SKAP1: variants seen among roughly 807,000 people sequenced by gnomAD.
SKAP1 encodes the protein src kinase-associated phosphoprotein 1.
SKAP1 carries 44 observed loss-of-function variants against 58.5 expected under a neutral mutation model. That is an observed-to-expected ratio of 0.75 (90% CI 0.59 to 0.97). The LOEUF (loss-of-function observed/expected upper bound fraction) is 0.97, where lower values mean the gene tolerates loss of function less well. SKAP1 is among the 50% of genes least tolerant of loss of function. SKAP1 has a pLI of 0.00. For missense variants in SKAP1, 390 were observed against 435.2 expected, an observed-to-expected ratio of 0.90 and a Z score of 0.92; for synonymous variants, 127 against 149.7, an observed-to-expected ratio of 0.85 and a Z score of 1.11.
chr17:48,383,057 C>T (rs999845066), intron 2 of SKAP1, among the ~76,000 whole-genome samples: 6 of 152,192 alleles, frequency 3.9e-5, no homozygotes, highest in African/African-American at 1.4e-4. Flanking sequence ...CTGACACTGT[C>T]TTGATCACCT....
intron 2 of SKAP1, among the ~76,000 whole-genome samples, chr17:48,388,026 T>C (rs2067299704): frequency 1.3e-5 from 2 of 152,358 alleles, no homozygotes; most frequent in South Asian, 4.1e-4. Flanking sequence ...TAGAAAATTA[T>C]CATCTTTAAA....
intron 2 of SKAP1, among the ~76,000 whole-genome samples, chr17:48,373,120 T>C (rs183657039): frequency 3.5e-4 from 54 of 152,306 alleles, no homozygotes; most frequent in African/African-American, 1.2e-3. Flanking sequence ...GGGTAATTTA[T>C]AAATAAAAGA....
intron 4 of SKAP1, among the ~76,000 whole-genome samples, chr17:48,198,235 C>T (rs138774094): frequency 0.015 from 2,250 of 151,988 alleles, 18 homozygotes; most frequent in Non-Finnish European, 0.024. Context: ...ACGGGCGGAT[C>T]ACGAGGTCAG....
chr17:48,177,383 A>G (rs1567807157), intron 9 of SKAP1, among the ~76,000 whole-genome samples: 1 of 152,162 alleles, frequency 6.6e-6, no homozygotes, highest in Non-Finnish European at 1.5e-5. Context: ...AACTTTACAC[A>G]TGTCAGTTCC....
chr17:48,390,848 G>A (rs2067335504), intron 2 of SKAP1, among the ~76,000 whole-genome samples: 1 of 152,170 alleles, frequency 6.6e-6, no homozygotes, highest in African/African-American at 2.4e-5. Context: ...GCCAAGGTGG[G>A]TGGACTGCTT....
chr17:48,434,398 A>G (rs961455944), upstream of SKAP1, among the ~76,000 whole-genome samples: 1 of 152,142 alleles, frequency 6.6e-6, no homozygotes, highest in African/African-American at 2.4e-5. Flanking sequence ...CTAAAAATGA[A>G]GTTTCCACGG....
chr17:48,355,106 C>G (rs1229704037), intron 3 of SKAP1, among the ~76,000 whole-genome samples: 2 of 152,146 alleles, frequency 1.3e-5, no homozygotes, highest in Admixed American at 6.5e-5. Context: ...GCTAATCAAA[C>G]AAACTTAAAG....
rs1164683491 is a variant in SKAP1 at position 48,197,300 on chromosome 17, G to A, written c.281-7800C>T. ...AAATGCTGATTGGTCACCAAGGTTC[G>A]TAAGACCTCTTCTGATGCAAGGGTG... On this transcript the variant is annotated intron_variant, in intron 4 of 12. Transcript: ENST00000336915. Among the ~76,000 whole-genome samples the A allele has an allele frequency of 2.7e-5, 4 of 150,384 alleles. No individual in the cohort carries two copies. In the South Asian group the frequency reaches 6.3e-4, roughly 24 times the overall value.
chr17:48,424,501 A>T (rs1324771146), intron 1 of SKAP1, among the ~76,000 whole-genome samples: 2 of 151,444 alleles, frequency 1.3e-5, no homozygotes, highest in African/African-American at 4.9e-5. Context: ...CTGGGATTAC[A>T]GGCGTGAGCC....
chr17:48,313,357 G>A (rs2066249087), intron 4 of SKAP1, among the ~76,000 whole-genome samples: 1 of 152,056 alleles, frequency 6.6e-6, no homozygotes, highest in African/African-American at 2.4e-5. Context: ...CAAGGTGAAG[G>A]CTAAATGTGT....
chr17:48,264,121 A>T (rs1280764050), intron 4 of SKAP1, among the ~76,000 whole-genome samples: 1 of 151,254 alleles, frequency 6.6e-6, no homozygotes, highest in Non-Finnish European at 1.5e-5. Context: ...TATCTAATAA[A>T]TGTCCAAAAC....
intron 4 of SKAP1, among the ~76,000 whole-genome samples, chr17:48,234,362 A>T (rs532196836): frequency 6.0e-4 from 91 of 152,216 alleles, no homozygotes; most frequent in Non-Finnish European, 9.8e-4. Flanking sequence ...TAAAGACATG[A>T]GATAGAAAGC....
chr17:48,405,314 T>C (rs2067555328), intron 1 of SKAP1, among the ~76,000 whole-genome samples: 1 of 150,304 alleles, frequency 6.7e-6, no homozygotes, highest in African/African-American at 2.5e-5. Context: ...GTAACCAATA[T>C]AAAAATTATT....
chr17:48,180,232 G>C lies in SKAP1; in HGVS notation c.648C>G (p.Thr216=). 6.3e-7 allele frequency: 1 copy of C among 1,587,464 alleles called. No individual in the cohort carries two copies. The highest frequency in any genetic ancestry group is 8.6e-7 in the Non-Finnish European group (1 of 1,166,166). The change falls in exon 9 of 13, where the codon ACC becomes ACG. Residue 216 remains threonine (T), a synonymous_variant. Transcript: ENST00000336915. ...CCTCCTCATCCTCTTCATATGGAAT[G>C]GTTAAGGAGCTCAGATCTAACAAGG... is the stretch of plus-strand genomic sequence containing the variant. ...SFLLKDLSSL[T]IPYEEDEEEE... is the part of the protein sequence containing the mutation.
At chr17:48,225,442 G>A (rs952774202) in intron 4 of SKAP1, among the ~76,000 whole-genome samples, 6 of 152,038 alleles carry the variant, frequency 3.9e-5, no homozygotes, top group South Asian at 2.1e-4. Flanking sequence ...CTTCTTTTAC[G>A]TATGGTGATG....
At chr17:48,206,925 A>AAATGGTGTGTAGC (rs2064817811) in intron 4 of SKAP1, among the ~76,000 whole-genome samples, 1 of 152,170 alleles carries the variant, frequency 6.6e-6, no homozygotes, top group African/African-American at 2.4e-5. Context: ...CCAAGGGACT[A>AAATGGTGTGTAGC]CAGGTACACA....
intron 4 of SKAP1, among the ~76,000 whole-genome samples, chr17:48,315,302 A>G (rs1416827657): frequency 6.6e-6 from 1 of 152,202 alleles, no homozygotes; most frequent in African/African-American, 2.4e-5. Context: ...TCTACAGTCA[A>G]GATTCTTAAT....
chr17:48,305,652 G>T (rs191681053), intron 4 of SKAP1, among the ~76,000 whole-genome samples: 48 of 152,296 alleles, frequency 3.2e-4, no homozygotes, highest in African/African-American at 1.1e-3. Flanking sequence ...GTACTTATCT[G>T]ATAGGGTTGT....
intron 11 of SKAP1, among the ~76,000 whole-genome samples, chr17:48,152,023 T>C (rs1202334152): frequency 6.6e-6 from 1 of 152,224 alleles, no homozygotes; most frequent in Non-Finnish European, 1.5e-5. Flanking sequence ...AGGATTTTTG[T>C]TCAAATCTGA....
Sources: allele counts gnomAD v4.1 joint callset (sites outside exome capture counted in the v4.1 genomes callset), GRCh38; gene constraint gnomAD v4.1.1; transcripts MANE v1.5; gene names NCBI Gene and HGNC (gene_info 2026-07-23, HGNC 2026-07-21).